ZFX: variants seen among roughly 807,000 people sequenced by gnomAD.
ZFX encodes the protein zinc finger X-chromosomal protein.
For missense variants in ZFX, 362 were observed against 628.3 expected (o/e 0.58, Z 4.53); for synonymous variants, 196 against 226.8 (o/e 0.86, Z 1.22).
rs996579981 is a variant in ZFX at position 24,211,382 on chromosome X, C to T, written c.*6C>T. ...AAGAAGTTGGCCTGCCCTAACAATACTTCTACAGAACGTTTGTAGAGATAT... is the reference window on the plus strand; with the variant it reads ...AAGAAGTTGGCCTGCCCTAACAATATTTCTACAGAACGTTTGTAGAGATAT... On this transcript the variant is annotated 3_prime_UTR_variant, in exon 10 of 10. Transcript: ENST00000304543. The T allele has an allele frequency of 5.0e-6, 6 of 1,211,035 alleles. No individual in the cohort carries two copies. The African/African-American group carries it at 5.2e-5, about 10-fold the overall frequency.
In ZFX at chrX:24,211,705, T is replaced by G. The variant is rs1219553711; in HGVS notation, c.*329T>G. The G allele has an allele frequency of 1.2e-5, 2 of 170,727 alleles. No homozygotes were observed. The highest frequency in any genetic ancestry group is 7.3e-5 in the Admixed American group (1 of 13,769). 14.1% of individuals were successfully genotyped at this position (170,727 alleles called of 1,213,427 possible). ...CTTGCTTACCTTGATGGTACTCTTC[T>G]AAGACCATTAACTTAAGGTAACTTT... On this transcript the variant is annotated 3_prime_UTR_variant, in exon 10 of 10. Coordinates refer to ENST00000304543, the MANE Select transcript of ZFX (RefSeq NM_003410.4).
chrX:24,164,106 T>TG (rs1415138814), intron 3 of ZFX, among the ~76,000 whole-genome samples: 1 of 110,114 alleles, frequency 9.1e-6, no homozygotes, highest in Non-Finnish European at 1.9e-5. Flanking sequence ...GAGATTTTTT[T>TG]GGGGTAAAAA....
chrX:24,150,957 TGA>T (rs1182111703), intron 1 of ZFX: 4 of 112,303 alleles, frequency 3.6e-5, no homozygotes, highest in African/African-American at 9.7e-5. Context: ...ATTTAAGTAG[TGA>T]TCTGTTGGTG....
At chrX:24,187,750 G>C (rs1371496102) in intron 5 of ZFX, among the ~76,000 whole-genome samples, 1 of 111,825 alleles carries the variant, frequency 8.9e-6, no homozygotes, top group East Asian at 2.8e-4. Flanking sequence ...CCTCACTAGG[G>C]GTTGGAGATA....
In ZFX at chrX:24,193,975, C is replaced by T. The variant is rs186404069; in HGVS notation, c.647-13351C>T. On this transcript the variant is annotated intron_variant, in intron 5 of 9. Coordinates refer to ENST00000304543, the MANE Select transcript of ZFX (RefSeq NM_003410.4). The stretch of plus-strand genomic sequence containing the variant: ...CATTAAACACTAACTCCCCGATCCC[C>T]TCCTTTCAGCCCCTGGCAGCCACCC... Among the ~76,000 whole-genome samples the T allele has an allele frequency of 3.6e-5, 4 of 111,382 alleles. No individual in the cohort carries two copies. The East Asian group carries it at 1.1e-3, about 31-fold the overall frequency.
chrX:24,154,682 G>A (rs1031555281), intron 3 of ZFX, among the ~76,000 whole-genome samples: 2 of 111,778 alleles, frequency 1.8e-5, no homozygotes, highest in Non-Finnish European at 3.8e-5. Context: ...ACACTTACGG[G>A]AATCCAGCCG....
At chrX:24,169,018 A>G (rs1056246104) in intron 3 of ZFX, among the ~76,000 whole-genome samples, 13 of 111,057 alleles carry the variant, frequency 1.2e-4, no homozygotes, top group Admixed American at 1.1e-3. Flanking sequence ...ATCATATCTG[A>G]GAACTCCTCT....
At chrX:24,176,868 A>G (rs1450364802) in intron 4 of ZFX, among the ~76,000 whole-genome samples, 2 of 112,199 alleles carry the variant, frequency 1.8e-5, no homozygotes, top group Admixed American at 9.4e-5. Flanking sequence ...CTGAATAGCT[A>G]TGTAGGTAAG....
chrX:24,170,578 T>G (rs973592418), intron 3 of ZFX, among the ~76,000 whole-genome samples: 3 of 108,646 alleles, frequency 2.8e-5, no homozygotes, highest in Non-Finnish European at 5.7e-5. Context: ...ACACTTTCTG[T>G]TTTTCATTTG....
intron 2 of ZFX, 120 bp from the exon 3 acceptor site, chrX:24,152,600 C>G (rs59675996): frequency 8.9e-6 from 1 of 111,815 alleles, no homozygotes; most frequent in African/African-American, 3.3e-5. Flanking sequence ...TAGAAAAGTT[C>G]GAGAAACAGT....
intron 5 of ZFX, among the ~76,000 whole-genome samples, chrX:24,198,338 G>A (rs1235924729): frequency 9.0e-6 from 1 of 110,993 alleles, no homozygotes; most frequent in Non-Finnish European, 1.9e-5. Context: ...GAGCAGCTGG[G>A]ACCACAGCCC....
At chrX:24,173,820 C>T (rs1188440772) in intron 4 of ZFX, 5 of 411,016 alleles carry the variant, frequency 1.2e-5, no homozygotes, top group East Asian at 7.9e-5. Context: ...GTCTTGAACC[C>T]GTGGGCTCAT....
At chrX:24,166,921 A>G (rs1934056148) in intron 3 of ZFX, among the ~76,000 whole-genome samples, 1 of 112,087 alleles carries the variant, frequency 8.9e-6, no homozygotes, top group Admixed American at 9.5e-5. Context: ...ACCAGCCAAG[A>G]ATTGGCATCC....
chrX:24,195,080 T>C (rs756526858), intron 5 of ZFX, among the ~76,000 whole-genome samples: 40 of 112,122 alleles, frequency 3.6e-4, no homozygotes, highest in Non-Finnish European at 5.6e-4. Flanking sequence ...CTACGTTGTT[T>C]GGCTGAAAGT....
chrX:24,190,909 C>T (rs1037876054), intron 5 of ZFX, among the ~76,000 whole-genome samples: 3 of 111,537 alleles, frequency 2.7e-5, no homozygotes, highest in African/African-American at 9.8e-5. Context: ...GCTTGACTTC[C>T]AGGGTGGTTG....
chrX:24,187,283 A>T (rs1026649818), intron 5 of ZFX, among the ~76,000 whole-genome samples: 2 of 109,824 alleles, frequency 1.8e-5, no homozygotes, highest in Non-Finnish European at 3.8e-5. Context: ...CAAAGTGTCC[A>T]CTCTTAATTC....
intron 4 of ZFX, chrX:24,177,649 C>A: frequency 4.0e-6 from 3 of 740,874 alleles, no homozygotes; most frequent in Non-Finnish European, 4.8e-6. Flanking sequence ...TTTAGTCCCT[C>A]TTTTAATTTA....
At chrX:24,174,462 C>T (rs1044159382) in intron 4 of ZFX, among the ~76,000 whole-genome samples, 6 of 102,971 alleles carry the variant, frequency 5.8e-5, no homozygotes, top group Non-Finnish European at 7.9e-5. Flanking sequence ...GGCATGATCT[C>T]GGCTCACTGC....
chrX:24,207,245 ATTTTTTTT>A, intron 5 of ZFX, 73 bp from the exon 6 acceptor site: 1 of 758,760 alleles, frequency 1.3e-6, no homozygotes. Flanking sequence ...AAAAAAAAAA[ATTTTTTTT>A]TTTTTTTTTG....
Sources: gnomAD v4.1 joint callset for allele counts (sites outside exome capture counted in the v4.1 genomes callset) on GRCh38, gnomAD v4.1.1 for gene constraint, MANE v1.5 for transcripts, NCBI Gene and HGNC (gene_info 2026-07-23, HGNC 2026-07-21) for gene names.